Variants in NPHP1 observed in about 807,000 individuals in gnomAD.
NPHP1 encodes nephrocystin-1.
In NPHP1, 70 loss-of-function variants were observed where a neutral mutation model predicts 90.4. The ratio of observed to expected loss-of-function variants is 0.77; its 90% confidence interval spans 0.64 to 0.95. The LOEUF (loss-of-function observed/expected upper bound fraction) is 0.95, where lower values mean the gene tolerates loss of function less well. Ranked by LOEUF, NPHP1 falls within the 40% of genes least tolerant of loss-of-function variation. The pLI is 0.00. For synonymous variants in NPHP1, 256 were observed against 271.7 expected (o/e 0.94, Z 0.57); for missense variants, 764 against 795.9 (o/e 0.96, Z 0.48).
chr2:110,141,633 T>G (rs1680637078), intron 16 of NPHP1, among the ~76,000 whole-genome samples: 1 of 152,110 alleles, frequency 6.6e-6, no homozygotes, highest in African/African-American at 2.4e-5. Flanking sequence ...ACTGGAACTC[T>G]CATACATTGC....
In NPHP1 at chr2:110,139,204, T is replaced by TACACACAC. The variant is rs35627203; in HGVS notation, c.1529+4330_1529+4337dup. The stretch of plus-strand genomic sequence containing the variant: ...AAGGATAATGAATTTATAGCAAATT[T>TACACACAC]ACACACACACACACACACACACACA... On this transcript the variant is annotated intron_variant, in intron 16 of 19. Coordinates refer to ENST00000445609, the MANE Select transcript of NPHP1 (RefSeq NM_001128178.3). Among the ~76,000 whole-genome samples the TACACACAC allele has an allele frequency of 3.7e-3, 546 of 148,632 alleles. 8 individuals carry two copies. Among genetic ancestry groups the TACACACAC allele is most frequent in the African/African-American group, 0.012 (499 of 40,632 alleles).
intron 17 of NPHP1, among the ~76,000 whole-genome samples, chr2:110,129,510 C>T (rs1452232670): frequency 6.6e-6 from 1 of 152,182 alleles, no homozygotes; most frequent in East Asian, 1.9e-4. Context: ...AGGCTCTGAA[C>T]AGAATAAGAC....
At chr2:110,135,117 G>A (rs569603228) in intron 16 of NPHP1, among the ~76,000 whole-genome samples, 50 of 151,932 alleles carry the variant, frequency 3.3e-4, no homozygotes, top group African/African-American at 1.2e-3. Flanking sequence ...AAATCAACAC[G>A]TAAAAATCGT....
Position 110,161,589 on chromosome 2 carries a change from G to A in NPHP1, c.954+14C>T, listed in dbSNP as rs1029562452. 3.9e-6 allele frequency: 6 copies of A among 1,532,996 alleles called. No homozygotes were observed. The highest frequency in any genetic ancestry group is 1.4e-5 in the African/African-American group (1 of 73,564). 95.0% of individuals were successfully genotyped at this position (1,532,996 alleles called of 1,614,324 possible). On this transcript the variant is annotated intron_variant, in intron 10 of 19. Transcript: ENST00000445609. ...TGGAAGAGTTACACTTTTACTGATA[G>A]TAACTATACTTACAGTGCCTTCTGT...
chr2:110,199,559 G>T (rs1277275109), intron 2 of NPHP1, among the ~76,000 whole-genome samples: 4 of 152,034 alleles, frequency 2.6e-5, no homozygotes, highest in Non-Finnish European at 4.4e-5. Flanking sequence ...GGAGGCAGAA[G>T]GTGCAGTGAG....
intron 1 of NPHP1, among the ~76,000 whole-genome samples, chr2:110,201,828 C>T (rs1454092041): frequency 1.3e-5 from 2 of 152,126 alleles, no homozygotes. Flanking sequence ...AAATACGAGG[C>T]ATACATTTGC....
At chr2:110,203,923 C>T (rs1396037434) in intron 1 of NPHP1, among the ~76,000 whole-genome samples, 1 of 151,740 alleles carries the variant, frequency 6.6e-6, no homozygotes, top group East Asian at 1.9e-4. Context: ...CATGAGCCAC[C>T]ACACCTGGCC....
In NPHP1 at chr2:110,169,826, C is replaced by A. The variant is rs2104577885; in HGVS notation, c.502G>T (p.Val168Phe). 6.2e-7 allele frequency: 1 copy of A among 1,612,982 alleles called. No homozygotes were observed. The highest frequency in any genetic ancestry group is 1.7e-4 in the Middle Eastern group (1 of 6,060). The change falls in exon 5 of 20, where the codon GTT (valine) becomes TTT (phenylalanine). Residue 168 changes from valine (V) to phenylalanine (F), a missense_variant. Physicochemically the swap from Val to Phe is conservative, Grantham distance 50. Transcript: ENST00000445609. ...IAVGDFTAQQ[V>F]GDLTFKKGEI... ...CCTACCTTAAATGTAAGATCTCCAA[C>A]TTGCTGAGCAGTAAAATCTCCAACA...
chr2:110,165,240 C>T (rs1682644906), intron 6 of NPHP1, 85 bp from the exon 7 acceptor site: 2 of 1,014,916 alleles, frequency 2.0e-6, no homozygotes, highest in East Asian at 2.4e-5. Flanking sequence ...CCTAACCCTC[C>T]AGTAAAAACA....
rs190490613 is a variant in NPHP1, at chr2:110,150,492, A to C, written c.1084-236T>G. Reference sequence around the variant, plus strand: ...ATAAATTATATTAAGTGAATTCCTTAATATCTGAGATAGGTTTGCCAGAAA... The same window carrying C: ...ATAAATTATATTAAGTGAATTCCTTCATATCTGAGATAGGTTTGCCAGAAA... On this transcript the variant is annotated intron_variant, in intron 11 of 19. Coordinates refer to ENST00000445609, the MANE Select transcript of NPHP1 (RefSeq NM_001128178.3). Among the ~76,000 whole-genome samples the C allele has an allele frequency of 5.2e-3, 796 of 152,288 alleles. 9 individuals are homozygous for C. The highest frequency in any genetic ancestry group is 0.013 in the South Asian group (63 of 4,820).
At chr2:110,161,110 G>A (rs1357093591) in intron 10 of NPHP1, among the ~76,000 whole-genome samples, 1 of 152,114 alleles carries the variant, frequency 6.6e-6, no homozygotes, top group East Asian at 1.9e-4. Context: ...AGGTTACAGT[G>A]AGCCATGATC....
chr2:110,178,023 G>A (rs1683623060), intron 4 of NPHP1: 1 of 233,224 alleles, frequency 4.3e-6, no homozygotes, highest in African/African-American at 2.3e-5. Context: ...TTACAGGTAT[G>A]AGTCACCACA....
chr2:110,181,477 T>C (rs1266720617), intron 2 of NPHP1, among the ~76,000 whole-genome samples: 1 of 152,112 alleles, frequency 6.6e-6, no homozygotes, highest in Non-Finnish European at 1.5e-5. Flanking sequence ...TCACTGGTGA[T>C]ACTTCCAGGT....
chr2:110,164,909 T>A, intron 7 of NPHP1, 143 bp downstream of exon 7: 2 of 872,936 alleles, frequency 2.3e-6, no homozygotes, highest in Non-Finnish European at 3.7e-6. Flanking sequence ...ACAGTAATGA[T>A]CTTTAAGCAG....
At chr2:110,125,284 A>AC (rs557717851) in intron 19 of NPHP1, 1 of 1,516,102 alleles carries the variant, frequency 6.6e-7, no homozygotes, top group African/African-American at 1.4e-5. Context: ...AGCTCAGGCC[A>AC]TTTTTTTTTC....
chr2:110,162,415 A>T (rs1682409699), intron 9 of NPHP1, among the ~76,000 whole-genome samples: 1 of 151,986 alleles, frequency 6.6e-6, no homozygotes, highest in Non-Finnish European at 1.5e-5. Context: ...AAAAGATGGG[A>T]ATTTAGGGAG....
chr2:110,145,177 T>C (rs775154660), intron 14 of NPHP1, among the ~76,000 whole-genome samples: 8 of 152,210 alleles, frequency 5.3e-5, no homozygotes, highest in Admixed American at 2.6e-4. Context: ...TGCTTTTCTT[T>C]TGAAGTCACA....
chr2:110,136,699 C>A (rs1369547747), intron 16 of NPHP1, among the ~76,000 whole-genome samples: 1 of 152,116 alleles, frequency 6.6e-6, no homozygotes, highest in Non-Finnish European at 1.5e-5. Flanking sequence ...GAAGAACATT[C>A]CATGCTCATG....
rs992424716 is a variant in NPHP1, at chr2:110,160,213, A to G, written c.997T>C (p.Trp333Arg). The G allele has an allele frequency of 1.2e-6, 2 of 1,611,856 alleles. No individual in the cohort carries two copies. Among genetic ancestry groups the G allele is most frequent in the Non-Finnish European group, 1.7e-6 (2 of 1,178,002 alleles). ...PSRISLILTL[W>R]SCKMIPLPGM... ...GGAAGAGGAATCATTTTACAGCTCC[A>G]TAATGTCAGAATCAATGAAATACGA... Residue 333 changes from tryptophan (W) to arginine (R), a missense_variant, in exon 11 of 20, where the codon TGG becomes CGG. Coordinates refer to ENST00000445609, the MANE Select transcript of NPHP1 (RefSeq NM_001128178.3).
Sources: gnomAD v4.1 joint callset for allele counts (sites outside exome capture counted in the v4.1 genomes callset) on GRCh38, gnomAD v4.1.1 for gene constraint, MANE v1.5 for transcripts, NCBI Gene and HGNC (gene_info 2026-07-23, HGNC 2026-07-21) for gene names.